The following STK39 variants were observed in gnomAD, a reference collection of about 807,000 sequenced individuals.
STK39 encodes serine/threonine kinase 39, also known as STE20/SPS1-related proline-alanine-rich protein kinase.
A neutral mutation model predicts 77.8 loss-of-function variants in STK39; 20 were observed. The ratio of observed to expected loss-of-function variants is 0.26; its 90% confidence interval spans 0.18 to 0.37. The LOEUF (loss-of-function observed/expected upper bound fraction) is 0.37, where lower values mean the gene tolerates loss of function less well. Among genes scored for constraint, STK39 ranks in the 10% least tolerant of loss-of-function variants. The pLI, the probability that STK39 is intolerant of heterozygous loss-of-function variation, is 1.00. For synonymous variants in STK39, 246 were observed against 234.1 expected (o/e 1.05, Z -0.47); for missense variants, 479 against 656.5 (o/e 0.73, Z 2.95).
chr2:168,065,500 T>G, intron 12 of STK39, 119 bp from the exon 13 acceptor site: 1 of 1,072,960 alleles, frequency 9.3e-7, no homozygotes, highest in Non-Finnish European at 1.4e-6. Flanking sequence ...AAAGCAATAT[T>G]TACCAAAGTG....
intron 16 of STK39, among the ~76,000 whole-genome samples, chr2:167,974,474 A>G (rs1189983705): frequency 6.6e-6 from 1 of 152,184 alleles, no homozygotes; most frequent in Non-Finnish European, 1.5e-5. Context: ...AGCATTGTCA[A>G]AAATTTAAAA....
In STK39 at chr2:168,084,060, G is replaced by A. The variant is rs924578168; in HGVS notation, c.1090-8829C>T. On this transcript the variant is annotated intron_variant, in intron 10 of 17. Coordinates refer to ENST00000355999, the MANE Select transcript of STK39 (RefSeq NM_013233.3). The stretch of plus-strand genomic sequence containing the variant: ...TAAAAAAAAAAAAAACTTTCTCTGT[G>A]CAGCCTAAAAATTAATGTCTTTGGG... 2.0e-5 allele frequency among the ~76,000 whole-genome samples: 3 copies of A among 151,940 alleles called. 1 individual carries two copies. In the Middle Eastern group the frequency reaches 0.01, roughly 517 times the overall value.
At chr2:168,135,757 A>G (rs908891525) in intron 8 of STK39, among the ~76,000 whole-genome samples, 2 of 152,162 alleles carry the variant, frequency 1.3e-5, no homozygotes, top group Admixed American at 6.5e-5. Flanking sequence ...GTGTCTTTTC[A>G]TTATAAGAAA....
At chr2:167,955,681 T>C in intron 17 of STK39, 111 bp from the exon 18 acceptor site, 1 of 987,680 alleles carries the variant, frequency 1.0e-6, no homozygotes, top group Non-Finnish European at 1.5e-6. Context: ...TATGGGACCA[T>C]GTGTCCCATT....
chr2:168,212,391 C>T (rs1689912494), intron 1 of STK39, among the ~76,000 whole-genome samples: 1 of 152,174 alleles, frequency 6.6e-6, no homozygotes, highest in African/African-American at 2.4e-5. Context: ...CCTGAACAAG[C>T]CTTCATTCAT....
chr2:168,236,686 T>C (rs1034275445), intron 1 of STK39, among the ~76,000 whole-genome samples: 15 of 152,216 alleles, frequency 9.9e-5, no homozygotes, highest in African/African-American at 9.6e-5. Context: ...GTTTTCCCAG[T>C]ACCATTTATT....
intron 17 of STK39, among the ~76,000 whole-genome samples, chr2:167,960,775 A>AC (rs149078794): frequency 0.011 from 1,698 of 150,800 alleles, 31 homozygotes; most frequent in African/African-American, 0.039. Flanking sequence ...AGGTGCCCCC[A>AC]CCCCCCCACC....
intron 17 of STK39, among the ~76,000 whole-genome samples, chr2:167,960,586 C>T (rs977824969): frequency 1.1e-4 from 16 of 152,072 alleles, no homozygotes; most frequent in Admixed American, 3.3e-4. Context: ...ACATCATGCA[C>T]GCTCTTACTC....
Position 168,034,182 on chromosome 2 carries a change from T to C in STK39, c.1377-17087A>G, listed in dbSNP as rs561493648. Among the ~76,000 whole-genome samples the C allele has an allele frequency of 1.1e-4, 17 of 152,304 alleles. No individual in the cohort carries two copies. The South Asian group carries it at 3.5e-3, about 32-fold the overall frequency. On this transcript the variant is annotated intron_variant, in intron 14 of 17. Transcript: ENST00000355999. ...TGCATGTCCTCAAGCGGCCCAGCAT[T>C]GCTTGAGTAAACAGGCCCTGACCAT...
intron 5 of STK39, among the ~76,000 whole-genome samples, chr2:168,160,643 T>C (rs995370938): frequency 2.2e-4 from 33 of 152,176 alleles, no homozygotes; most frequent in Admixed American, 2.2e-3. Flanking sequence ...GAAGGTTTGG[T>C]AACTTGCCCA....
chr2:168,015,420 C>T (rs1684380597), intron 15 of STK39, among the ~76,000 whole-genome samples: 2 of 152,234 alleles, frequency 1.3e-5, no homozygotes, highest in African/African-American at 4.8e-5. Context: ...ATATGCACAT[C>T]ACTTCCTTTA....
chr2:168,198,699 A>G (rs1689536657), intron 1 of STK39, among the ~76,000 whole-genome samples: 1 of 152,196 alleles, frequency 6.6e-6, no homozygotes, highest in Non-Finnish European at 1.5e-5. Flanking sequence ...AGCACATCGC[A>G]CTCACTGGCA....
At chr2:168,107,968 T>C (rs1687022933) in intron 10 of STK39, among the ~76,000 whole-genome samples, 1 of 152,212 alleles carries the variant, frequency 6.6e-6, no homozygotes, top group African/African-American at 2.4e-5. Context: ...GGTCAAATCA[T>C]TTCCAAGCCA....
Position 168,247,241 on chromosome 2 carries a change from C to T in STK39, c.195G>A (p.Leu65=). Residue 65 remains leucine, a synonymous_variant, in exon 1 of 18, where the codon CTG becomes CTA. Transcript: ENST00000355999. ...GWPICRDAYE[L]QEVIGSGATA... is the part of the protein sequence containing the mutation. ...CGCCGCACTGACCGATAACCTCCTG[C>T]AGCTCGTACGCGTCCCTGCAGATGG... The T allele has an allele frequency of 8.5e-7, 1 of 1,172,552 alleles. No individual in the cohort carries two copies. Among genetic ancestry groups the T allele is most frequent in the South Asian group, 2.7e-5 (1 of 36,456 alleles). 72.6% of individuals were successfully genotyped at this position (1,172,552 alleles called of 1,614,324 possible). A position where few individuals can be genotyped will look rare whatever the true frequency, so the allele number is the denominator to read the frequency against.
At chr2:168,172,470 C>G (rs1189102206) in intron 2 of STK39, among the ~76,000 whole-genome samples, 3 of 152,190 alleles carry the variant, frequency 2.0e-5, no homozygotes, top group Admixed American at 1.3e-4. Flanking sequence ...TGTCATACTT[C>G]ATGTATCCTG....
intron 1 of STK39, among the ~76,000 whole-genome samples, chr2:168,194,376 C>T (rs148672158): frequency 0.035 from 5,342 of 152,188 alleles, 171 homozygotes; most frequent in Non-Finnish European, 0.055. Context: ...GCCAAGATCA[C>T]GCCACTGCAC....
At chr2:168,088,094 G>C (rs1394592838) in intron 10 of STK39, among the ~76,000 whole-genome samples, 1 of 152,080 alleles carries the variant, frequency 6.6e-6, no homozygotes, top group African/African-American at 2.4e-5. Context: ...CAAATGCACT[G>C]ATTTTTGTGG....
At chr2:168,190,062 G>A (rs13420405) in intron 1 of STK39, among the ~76,000 whole-genome samples, 49,103 of 152,026 alleles carry the variant, frequency 0.32, 8,268 homozygotes, top group East Asian at 0.46. Context: ...TCCCAGGCAG[G>A]GACTCTCTAC....
intron 16 of STK39, among the ~76,000 whole-genome samples, chr2:167,964,969 G>A (rs918035649): frequency 6.6e-6 from 1 of 152,120 alleles, no homozygotes; most frequent in African/African-American, 2.4e-5. Flanking sequence ...TGTCAACTCT[G>A]CATTTCATAT....
Sources: gnomAD v4.1 joint callset for allele counts (sites outside exome capture counted in the v4.1 genomes callset) on GRCh38, gnomAD v4.1.1 for gene constraint, MANE v1.5 for transcripts, NCBI Gene and HGNC (gene_info 2026-07-23, HGNC 2026-07-21) for gene names.